Variants in CADPS observed in about 807,000 individuals in gnomAD.
CADPS encodes calcium-dependent secretion activator 1.
A neutral mutation model predicts 167.3 loss-of-function variants in CADPS; 57 were observed. The ratio of observed to expected loss-of-function variants is 0.34; its 90% CI spans 0.28 to 0.42. The LOEUF is 0.42. Among genes scored for constraint, CADPS ranks in the 20% least tolerant of loss-of-function variants. CADPS has a pLI of 1.00. For synonymous variants in CADPS, 676 were observed against 635.3 expected (o/e 1.06, Z -0.96); for missense variants, 1,414 against 1,738.1 (o/e 0.81, Z 3.32).
At chr3:62,593,725 G>A (rs1352933386) in intron 6 of CADPS, among the ~76,000 whole-genome samples, 1 of 152,202 alleles carries the variant, frequency 6.6e-6, no homozygotes, top group Admixed American at 6.5e-5. Context: ...ACTGGGCTAT[G>A]TCTTTTGGGG....
At chr3:62,685,739 C>T (rs1222862674) in intron 3 of CADPS, among the ~76,000 whole-genome samples, 1 of 150,868 alleles carries the variant, frequency 6.6e-6, no homozygotes, top group Non-Finnish European at 1.5e-5. Flanking sequence ...CTTTTCACCT[C>T]ACATCATCAG....
intron 3 of CADPS, among the ~76,000 whole-genome samples, chr3:62,745,855 TG>T: frequency 6.6e-6 from 1 of 152,324 alleles, no homozygotes; most frequent in East Asian, 1.9e-4. Flanking sequence ...GGCTGTATAG[TG>T]GTGAACGCAA....
chr3:62,738,301 G>T (rs2079426004), intron 3 of CADPS, among the ~76,000 whole-genome samples: 1 of 152,128 alleles, frequency 6.6e-6, no homozygotes, highest in African/African-American at 2.4e-5. Context: ...GAGAAAATAT[G>T]TTCTTTCCTC....
chr3:62,742,605 C>T (rs575961202), intron 3 of CADPS, among the ~76,000 whole-genome samples: 2 of 152,284 alleles, frequency 1.3e-5, no homozygotes, highest in Admixed American at 6.5e-5. Context: ...ACCTTCCTTA[C>T]ACCATACACA....
chr3:62,838,744 T>C (rs561344614), intron 1 of CADPS, among the ~76,000 whole-genome samples: 1 of 152,314 alleles, frequency 6.6e-6, no homozygotes, highest in African/African-American at 2.4e-5. Context: ...ATAGTCAGTG[T>C]TTATTAATAA....
chr3:62,543,449 T>C (rs1577476013), intron 11 of CADPS, among the ~76,000 whole-genome samples: 1 of 152,132 alleles, frequency 6.6e-6, no homozygotes, highest in African/African-American at 2.4e-5. Context: ...CTTTCTTTCA[T>C]TCTTTAAAAA....
At chr3:62,764,693 A>G (rs1361091245) in intron 2 of CADPS, among the ~76,000 whole-genome samples, 1 of 152,232 alleles carries the variant, frequency 6.6e-6, no homozygotes, top group East Asian at 1.9e-4. Context: ...GCTTCAATCA[A>G]TTAACATATT....
At position 62,462,767 on chromosome 3, in the gene CADPS, T is replaced by C. The variant is rs1869114; in HGVS notation, c.3636+2600A>G. ...CAATACCTGCTGCCTCTGCTCATCC[T>C]TTTTACTTCCACTCCACTCCTGGGG... On this transcript the variant is annotated intron_variant, in intron 26 of 29. Coordinates refer to ENST00000383710, the MANE Select transcript of CADPS (RefSeq NM_003716.4). Among the ~76,000 whole-genome samples the C allele has an allele frequency of 9.6e-3, 1,456 of 152,292 alleles. 22 individuals are homozygous for C. The highest frequency in any genetic ancestry group is 0.033 in the African/African-American group (1,355 of 41,564).
intron 1 of CADPS, among the ~76,000 whole-genome samples, chr3:62,873,249 G>T: frequency 6.6e-6 from 1 of 152,222 alleles, no homozygotes; most frequent in East Asian, 1.9e-4. Context: ...AACAAACAGA[G>T]AAATCTGTGC....
At chr3:62,780,422 A>G (rs1285104512) in intron 1 of CADPS, among the ~76,000 whole-genome samples, 13 of 152,164 alleles carry the variant, frequency 8.5e-5, no homozygotes, top group African/African-American at 2.9e-4. Flanking sequence ...CAAAAAAATA[A>G]ATAAAATTAT....
intron 6 of CADPS, among the ~76,000 whole-genome samples, chr3:62,643,321 G>A (rs571959148): frequency 3.9e-5 from 6 of 152,258 alleles, no homozygotes; most frequent in African/African-American, 1.4e-4. Context: ...AGCACTTCAG[G>A]TAGCTACCAC....
chr3:62,398,355 A>T lies in CADPS; in HGVS notation c.*1051T>A, dbSNP rs1704811791. 6.6e-6 allele frequency: 1 copy of T among 152,652 alleles called. No homozygotes were observed. The highest frequency in any genetic ancestry group is 2.4e-5 in the African/African-American group (1 of 41,450). The allele number at this position is 152,652 out of a possible 1,614,324, so 9.5% of individuals were successfully genotyped here. A position where few individuals can be genotyped will look rare whatever the true frequency, so the allele number is the denominator to read the frequency against. On this transcript the variant is annotated 3_prime_UTR_variant, in exon 30 of 30. Coordinates refer to ENST00000383710, the MANE Select transcript of CADPS (RefSeq NM_003716.4). ...AAGACAGACCCAAACGTATATTCTT[A>T]GGACATCTGAATATTTATTGAGAAG...
At chr3:62,726,649 C>A (rs1475894772) in intron 3 of CADPS, among the ~76,000 whole-genome samples, 3 of 151,920 alleles carry the variant, frequency 2.0e-5, no homozygotes, top group African/African-American at 7.3e-5. Context: ...TATGCGATAG[C>A]TTTGAGTGAC....
rs1188129053 is a variant in CADPS at position 62,614,666 on chromosome 3, G to A, written c.1326-21918C>T. On this transcript the variant is annotated intron_variant, in intron 6 of 29. Transcript: ENST00000383710. ...GCAGGGGAGTGATATAATGATTACT[G>A]TGTAGATATGTGCATGATGTATATG... Among the ~76,000 whole-genome samples, 3 of 152,284 alleles carry A rather than the reference G, an allele frequency of 2.0e-5. No homozygotes were observed. In the East Asian group the frequency reaches 5.8e-4, roughly 29 times the overall value.
chr3:62,641,728 G>A (rs947713446), intron 6 of CADPS, among the ~76,000 whole-genome samples: 1 of 152,048 alleles, frequency 6.6e-6, no homozygotes, highest in Non-Finnish European at 1.5e-5. Flanking sequence ...TGTTAAAAAC[G>A]CAGGAGAGGA....
intron 3 of CADPS, among the ~76,000 whole-genome samples, chr3:62,714,952 A>G (rs1344606305): frequency 6.6e-6 from 1 of 152,258 alleles, no homozygotes; most frequent in African/African-American, 2.4e-5. Context: ...AGATATATAC[A>G]AAAACATGGA....
chr3:62,721,743 G>A (rs1279435615), intron 3 of CADPS, among the ~76,000 whole-genome samples: 1 of 151,974 alleles, frequency 6.6e-6, no homozygotes, highest in Non-Finnish European at 1.5e-5. Flanking sequence ...TATGCTAAAG[G>A]CTTTATGCAC....
At chr3:62,704,230 T>C (rs1473011149) in intron 3 of CADPS, among the ~76,000 whole-genome samples, 1 of 152,146 alleles carries the variant, frequency 6.6e-6, no homozygotes, top group Non-Finnish European at 1.5e-5. Flanking sequence ...GAGACAGTAG[T>C]TTAATTGCAC....
At chr3:62,726,554 G>T (rs1455252272) in intron 3 of CADPS, among the ~76,000 whole-genome samples, 1 of 151,754 alleles carries the variant, frequency 6.6e-6, no homozygotes, top group Non-Finnish European at 1.5e-5. Flanking sequence ...GAGGAGACAT[G>T]GAATTATCTC....
Sources: allele counts gnomAD v4.1 joint callset (sites outside exome capture counted in the v4.1 genomes callset), GRCh38; gene constraint gnomAD v4.1.1; transcripts MANE v1.5; gene names NCBI Gene and HGNC (gene_info 2026-07-23, HGNC 2026-07-21).